KAZN: variants seen among roughly 807,000 people sequenced by gnomAD.
The protein encoded by KAZN is kazrin.
In KAZN, 40 loss-of-function variants were observed where a neutral mutation model predicts 87.4. The observed-to-expected ratio is 0.46, with a 90% CI of 0.36 to 0.60. KAZN has a LOEUF of 0.60. KAZN is among the 20% of genes least tolerant of loss of function. KAZN has a pLI of 0.00. For missense variants in KAZN, 898 were observed against 1,073.9 expected, an observed-to-expected ratio of 0.84 and a Z score of 2.29; for synonymous variants, 466 against 458.3, an observed-to-expected ratio of 1.02 and a Z score of -0.22.
chr1:14,891,321 T>C (rs1183425489), intron 1 of KAZN, among the ~76,000 whole-genome samples: 2 of 152,112 alleles, frequency 1.3e-5, no homozygotes, highest in Non-Finnish European at 2.9e-5. Flanking sequence ...TCCCACCCTT[T>C]ACCCTGAGTC....
chr1:14,312,970 C>T (rs2100816571), intron 2 of KAZN, among the ~76,000 whole-genome samples: 1 of 152,256 alleles, frequency 6.6e-6, no homozygotes, highest in African/African-American at 2.4e-5. Flanking sequence ...GCCTGGATTC[C>T]TGAACAACAG....
intron 2 of KAZN, among the ~76,000 whole-genome samples, chr1:14,209,183 A>T (rs1646803901): frequency 6.6e-6 from 1 of 152,204 alleles, no homozygotes; most frequent in South Asian, 2.1e-4. Flanking sequence ...CTGACCCATC[A>T]CAGCAAAGGA....
At chr1:15,046,515 G>A (rs778238845) in intron 4 of KAZN, among the ~76,000 whole-genome samples, 5 of 152,240 alleles carry the variant, frequency 3.3e-5, no homozygotes, top group Non-Finnish European at 5.9e-5. Flanking sequence ...CCAAACCCAC[G>A]TTGTTCAAGA....
Position 15,099,103 on chromosome 1 carries a change from A to C in KAZN, c.1548-2440A>C, listed in dbSNP as rs956202293. Among the ~76,000 whole-genome samples, 2 of 152,156 alleles carry C rather than the reference A, an allele frequency of 1.3e-5. No individual in the cohort carries two copies. The highest frequency in any genetic ancestry group is 4.8e-5 in the African/African-American group (2 of 41,438). ...GTCTCTGCAGAGTCCATAGGAGTTC[A>C]CTGGGGGAAGAGGGTGGGGTAGAGG... On this transcript the variant is annotated intron_variant, in intron 10 of 14. Transcript: ENST00000376030. This position sits in a 1 kb window ranked among gnomAD's most constrained non-coding sequence, Gnocchi z 5.4.
intron 1 of KAZN, among the ~76,000 whole-genome samples, chr1:14,149,200 T>C (rs2095976): frequency 0.41 from 59,563 of 146,948 alleles, 12,381 homozygotes; most frequent in Middle Eastern, 0.5. Context: ...CTCCTGGGTT[T>C]AAGTGATTCT....
chr1:14,112,661 G>A (rs1234671254), intron 1 of KAZN, among the ~76,000 whole-genome samples: 2 of 152,166 alleles, frequency 1.3e-5, no homozygotes, highest in Non-Finnish European at 2.9e-5. Context: ...AATGGGCCTG[G>A]TATAATCACA....
At chr1:13,968,118 C>T (rs979368104) in intron 1 of KAZN, among the ~76,000 whole-genome samples, 4 of 152,140 alleles carry the variant, frequency 2.6e-5, no homozygotes, top group Non-Finnish European at 4.4e-5. Context: ...AAATGGTTCC[C>T]AGGTGGCTCC....
chr1:14,934,766 A>T (rs1660256714), intron 1 of KAZN, among the ~76,000 whole-genome samples: 1 of 152,222 alleles, frequency 6.6e-6, no homozygotes, highest in African/African-American at 2.4e-5. Context: ...GATGCTGGCC[A>T]GTATCCATCT....
rs772560740 is a variant in KAZN at position 15,044,128 on chromosome 1, G to A, written c.695G>A (p.Arg232Gln). 3.1e-6 allele frequency: 5 copies of A among 1,609,842 alleles called. No homozygotes were observed. Among genetic ancestry groups the A allele is most frequent in the East Asian group, 2.2e-5 (1 of 44,702 alleles). The change falls in exon 4 of 15, where the codon CGG (arginine) becomes CAG (glutamine). Residue 232 changes from arginine to glutamine, a missense_variant. Coordinates refer to ENST00000376030, the MANE Select transcript of KAZN (RefSeq NM_201628.3). ...LRSQLDLKDN[R>Q]MKELEAELAM... The stretch of plus-strand genomic sequence containing the variant: ...TCCCAGCTGGACCTCAAGGACAACC[G>A]GATGAAGGAGCTGGAGGCCGAGCTG...
intron 10 of KAZN, among the ~76,000 whole-genome samples, chr1:15,097,115 A>T (rs1441200367): frequency 1.3e-5 from 2 of 152,036 alleles, no homozygotes; most frequent in Non-Finnish European, 2.9e-5. Context: ...TTCCCACCTG[A>T]GAAGTGAAGG....
At chr1:14,861,317 T>C (rs1014073413) in intron 1 of KAZN, among the ~76,000 whole-genome samples, 3 of 152,198 alleles carry the variant, frequency 2.0e-5, no homozygotes, top group African/African-American at 7.2e-5. Context: ...AGGCAGAGGT[T>C]GCAGCGAGCC....
At chr1:14,409,288 A>T (rs989130277) in intron 2 of KAZN, among the ~76,000 whole-genome samples, 1 of 152,216 alleles carries the variant, frequency 6.6e-6, no homozygotes, top group East Asian at 1.9e-4. Flanking sequence ...ATGCCTGGAA[A>T]GGTACAGAGA....
At chr1:14,312,081 C>T (rs1016096761) in intron 2 of KAZN, among the ~76,000 whole-genome samples, 3 of 151,998 alleles carry the variant, frequency 2.0e-5, no homozygotes, top group Non-Finnish European at 4.4e-5. Context: ...GAAAAAAGAA[C>T]TGGTGGGAAT....
chr1:14,395,626 C>T (rs1418433693), intron 2 of KAZN, among the ~76,000 whole-genome samples: 1 of 152,152 alleles, frequency 6.6e-6, no homozygotes, highest in East Asian at 1.9e-4. Flanking sequence ...GATTTTCAGT[C>T]CCCTGCTGGT....
intron 1 of KAZN, among the ~76,000 whole-genome samples, chr1:14,622,031 A>T (rs1011997294): frequency 2.6e-5 from 4 of 152,218 alleles, no homozygotes; most frequent in Non-Finnish European, 5.9e-5. Context: ...CACATTGCAG[A>T]CAGTCAGCTA....
chr1:14,441,118 A>C (rs1666673346), intron 2 of KAZN, among the ~76,000 whole-genome samples: 1 of 152,208 alleles, frequency 6.6e-6, no homozygotes, highest in South Asian at 2.1e-4. Context: ...GGCCTTGAGC[A>C]GCCCCTGGAC....
intron 1 of KAZN, among the ~76,000 whole-genome samples, chr1:14,867,306 C>T (rs1651577100): frequency 6.6e-6 from 1 of 152,126 alleles, no homozygotes; most frequent in Admixed American, 6.5e-5. Flanking sequence ...ATTTATTTTG[C>T]ACTGAGGCTG....
At chr1:14,713,803 A>AAGAAAGAAAG (rs1247796017) in intron 1 of KAZN, among the ~76,000 whole-genome samples, 6 of 143,934 alleles carry the variant, frequency 4.2e-5, no homozygotes, top group African/African-American at 1.5e-4. Flanking sequence ...AAAAAAAAGA[A>AAGAAAGAAAG]AGAATAATTA....
chr1:14,912,200 G>A (rs1657331122), intron 1 of KAZN, among the ~76,000 whole-genome samples: 1 of 148,098 alleles, frequency 6.8e-6, no homozygotes, highest in Non-Finnish European at 1.5e-5. Context: ...GGGCCACCCA[G>A]CCAACAGAAC....
Sources: gnomAD v4.1 joint callset for allele counts (sites outside exome capture counted in the v4.1 genomes callset) on GRCh38, gnomAD v4.1.1 for gene constraint, Gnocchi (gnomAD v3.1) non-coding constraint, MANE v1.5 for transcripts, NCBI Gene and HGNC (gene_info 2026-07-23, HGNC 2026-07-21) for gene names.